PDZRN4: variants seen among roughly 807,000 people sequenced by gnomAD.
PDZRN4 encodes the protein PDZ domain containing ring finger 4, also known as PDZ domain-containing RING finger protein 4.
PDZRN4 carries 70 observed loss-of-function variants against 99.0 expected under a neutral mutation model. That is an observed-to-expected ratio of 0.71 (90% CI 0.58 to 0.86). The LOEUF is 0.86. Among genes scored for constraint, PDZRN4 ranks in the 40% least tolerant of loss-of-function variants. The pLI, the probability that PDZRN4 is intolerant of heterozygous loss-of-function variation, is 0.00. For missense variants in PDZRN4, 1,474 were observed against 1,331.2 expected, an observed-to-expected ratio of 1.11 and a Z score of -1.67; for synonymous variants, 551 against 501.6, an observed-to-expected ratio of 1.10 and a Z score of -1.32.
At chr12:41,396,381 C>A (rs547045883) in intron 3 of PDZRN4, among the ~76,000 whole-genome samples, 4 of 151,988 alleles carry the variant, frequency 2.6e-5, no homozygotes, top group Non-Finnish European at 5.9e-5. Flanking sequence ...GCTACTACTG[C>A]ATTTTAGCGT....
In PDZRN4 at chr12:41,422,872, C is replaced by T. The variant is rs1034538818; in HGVS notation, c.844-83584C>T. 2.6e-5 allele frequency among the ~76,000 whole-genome samples: 4 copies of T among 152,148 alleles called. No individual in the cohort carries two copies. The East Asian group carries it at 7.7e-4, about 29-fold the overall frequency. Reference sequence around the variant, plus strand: ...GTGTGTGTGTACACACATATGCACACACAATGGAAATTTCTTTTGTCAATA... The same window carrying T: ...GTGTGTGTGTACACACATATGCACATACAATGGAAATTTCTTTTGTCAATA... On this transcript the variant is annotated intron_variant, in intron 3 of 9. Coordinates refer to ENST00000402685, the MANE Select transcript of PDZRN4 (RefSeq NM_001164595.2).
At chr12:41,488,450 C>T (rs1293826420) in intron 3 of PDZRN4, among the ~76,000 whole-genome samples, 8 of 152,236 alleles carry the variant, frequency 5.3e-5, no homozygotes, top group African/African-American at 9.6e-5. Flanking sequence ...TATTGAAACA[C>T]GCTATTTGTT....
At chr12:41,537,761 G>A (rs759580497) in intron 5 of PDZRN4, among the ~76,000 whole-genome samples, 4 of 152,122 alleles carry the variant, frequency 2.6e-5, no homozygotes, top group Non-Finnish European at 5.9e-5. Flanking sequence ...CAGCAACAGA[G>A]GGAGTAGAAA....
chr12:41,555,381 C>A (rs1939139400), intron 6 of PDZRN4, among the ~76,000 whole-genome samples: 1 of 145,532 alleles, frequency 6.9e-6, no homozygotes. Flanking sequence ...AGTTGGGATA[C>A]AGAAATGAGT....
intron 1 of PDZRN4, among the ~76,000 whole-genome samples, chr12:41,190,159 G>C (rs1950727213): frequency 6.6e-6 from 1 of 152,064 alleles, no homozygotes; most frequent in South Asian, 2.1e-4. Context: ...TTCCCATTTG[G>C]GACTGGCTGC....
intron 3 of PDZRN4, among the ~76,000 whole-genome samples, chr12:41,454,450 C>CA (rs1368499726): frequency 6.6e-6 from 1 of 151,982 alleles, no homozygotes; most frequent in Non-Finnish European, 1.5e-5. Flanking sequence ...TTACAAAATT[C>CA]AAAATGAAAT....
rs34859944 is a variant in PDZRN4 at position 41,553,527 on chromosome 12, C to CAA, written c.1302+786_1302+787dup. ...GGCCAGGAGTTTGACTCTGTCTCTA[C>CAA]AAAAAAAAAAAAAATATTTAGTCAG... On this transcript the variant is annotated intron_variant, in intron 6 of 9. Transcript: ENST00000402685. Among the ~76,000 whole-genome samples, 16 of 146,948 alleles carry CAA rather than the reference C, an allele frequency of 1.1e-4. 1 individual carries two copies. Among genetic ancestry groups the CAA allele is most frequent in the African/African-American group, 3.7e-4 (15 of 40,262 alleles).
intron 3 of PDZRN4, among the ~76,000 whole-genome samples, chr12:41,397,555 T>C (rs1952257863): frequency 3.9e-5 from 6 of 152,164 alleles, no homozygotes; most frequent in Admixed American, 2.6e-4. Context: ...TTTCGTCTAA[T>C]AGGATTGACA....
intron 3 of PDZRN4, chr12:41,460,155 T>C (rs1264312257): frequency 1.9e-6 from 2 of 1,063,872 alleles, no homozygotes; most frequent in African/African-American, 3.3e-5. Context: ...TACCTTTTTA[T>C]GTATATATTG....
chr12:41,363,012 C>T (rs540567541), intron 3 of PDZRN4, among the ~76,000 whole-genome samples: 1 of 152,068 alleles, frequency 6.6e-6, no homozygotes, highest in Admixed American at 6.6e-5. Flanking sequence ...GGCCTTAGGG[C>T]ACCTGTTAGT....
At position 41,466,452 on chromosome 12, in the gene PDZRN4, T is replaced by G. The variant is rs143659398; in HGVS notation, c.844-40004T>G. On this transcript the variant is annotated intron_variant, in intron 3 of 9. Transcript: ENST00000402685. Reference sequence around the variant, plus strand: ...TCCCCAGAGGAGGGAGGAGGGTATGTTGAACTCAGTTAAGCTGTGTTAGTT... The same window carrying G: ...TCCCCAGAGGAGGGAGGAGGGTATGGTGAACTCAGTTAAGCTGTGTTAGTT... Among the ~76,000 whole-genome samples, 91 of 152,302 alleles carry G rather than the reference T, an allele frequency of 6.0e-4. 1 individual carries two copies. The East Asian group carries it at 0.014, about 24-fold the overall frequency.
rs112350298 is a variant in PDZRN4, at chr12:41,438,941, C to T, written c.844-67515C>T. On this transcript the variant is annotated intron_variant, in intron 3 of 9. Transcript: ENST00000402685. ...ACAAGATTGCTGATGAAGGACGATG[C>T]TTGGGATGTTGGTGGCCCATGGCAC... 3.3e-5 allele frequency among the ~76,000 whole-genome samples: 5 copies of T among 152,278 alleles called. No individual in the cohort carries two copies. In the East Asian group the frequency reaches 9.7e-4, roughly 29 times the overall value.
intron 3 of PDZRN4, among the ~76,000 whole-genome samples, chr12:41,216,218 A>C (rs1284640290): frequency 6.6e-6 from 1 of 152,068 alleles, no homozygotes; most frequent in African/African-American, 2.4e-5. Context: ...TAGAGAAATA[A>C]TGAGTAATCT....
chr12:41,530,430 A>G (rs1938641255), intron 5 of PDZRN4, among the ~76,000 whole-genome samples: 1 of 152,190 alleles, frequency 6.6e-6, no homozygotes, highest in African/African-American at 2.4e-5. Context: ...CAAAGTTCCT[A>G]GGTCATCCAA....
chr12:41,291,469 C>T (rs7304429), intron 3 of PDZRN4, among the ~76,000 whole-genome samples: 78,109 of 151,878 alleles, frequency 0.51, 22,167 homozygotes, highest in East Asian at 0.71. Context: ...GTTTTATTAT[C>T]GGCAAATTGG....
chr12:41,279,956 G>A (rs758337238), intron 3 of PDZRN4, among the ~76,000 whole-genome samples: 1 of 152,188 alleles, frequency 6.6e-6, no homozygotes, highest in Non-Finnish European at 1.5e-5. Context: ...GTGGTCTGCA[G>A]CTCCCAGCAA....
chr12:41,240,035 A>G (rs1241347498), intron 3 of PDZRN4, among the ~76,000 whole-genome samples: 1 of 152,230 alleles, frequency 6.6e-6, no homozygotes, highest in Middle Eastern at 3.2e-3. Flanking sequence ...GGAGTAAATC[A>G]CTGAAGCAGG....
chr12:41,229,697 C>T (rs906173185), intron 3 of PDZRN4, among the ~76,000 whole-genome samples: 1 of 151,994 alleles, frequency 6.6e-6, no homozygotes, highest in Non-Finnish European at 1.5e-5. Flanking sequence ...ATTTGTAACC[C>T]TTCTTGTGCT....
At chr12:41,307,603 G>A (rs1051627442) in intron 3 of PDZRN4, among the ~76,000 whole-genome samples, 5 of 91,720 alleles carry the variant, frequency 5.5e-5, no homozygotes, top group African/African-American at 2.1e-4. Context: ...GAACTTTGGA[G>A]AGCCAGATTT....
Sources: gnomAD v4.1 joint callset for allele counts (sites outside exome capture counted in the v4.1 genomes callset) on GRCh38, gnomAD v4.1.1 for gene constraint, MANE v1.5 for transcripts, NCBI Gene and HGNC (gene_info 2026-07-23, HGNC 2026-07-21) for gene names.